Variants in WDSUB1 observed in about 807,000 individuals in gnomAD.
WDSUB1 encodes the protein WD repeat, SAM and U-box domain-containing protein 1.
WDSUB1 carries 49 observed loss-of-function variants against 53.9 expected under a neutral mutation model. That is an observed-to-expected ratio of 0.91 (90% CI 0.72 to 1.15). WDSUB1 has a LOEUF of 1.15. Among genes scored for constraint, WDSUB1 ranks in the 50% most tolerant of loss-of-function variants. The probability of loss-of-function intolerance (pLI) is 0.00; values close to 1 mark genes in which losing one functional copy is unlikely to be tolerated. For synonymous variants in WDSUB1, 194 were observed against 200.6 expected (o/e 0.97, Z 0.28); for missense variants, 514 against 562.0 (o/e 0.91, Z 0.86).
chr2:159,284,261 T>G (rs1016137258), intron 1 of WDSUB1, among the ~76,000 whole-genome samples: 13 of 152,226 alleles, frequency 8.5e-5, no homozygotes, highest in Admixed American at 7.2e-4. Flanking sequence ...ACCTTCAAAC[T>G]GTCAAATAAC....
At chr2:159,263,785 G>A (rs1233969432) in intron 5 of WDSUB1, among the ~76,000 whole-genome samples, 1 of 152,084 alleles carries the variant, frequency 6.6e-6, no homozygotes, top group Non-Finnish European at 1.5e-5. Context: ...TCAGAAAAAT[G>A]GGGTAAAATA....
intron 9 of WDSUB1, among the ~76,000 whole-genome samples, chr2:159,252,036 A>T (rs1391113408): frequency 6.6e-6 from 1 of 152,204 alleles, no homozygotes; most frequent in Admixed American, 6.5e-5. Context: ...ACAAGCACAG[A>T]CCACCAAGCT....
At chr2:159,238,920 C>G (rs1354822431) in intron 10 of WDSUB1, among the ~76,000 whole-genome samples, 1 of 152,152 alleles carries the variant, frequency 6.6e-6, no homozygotes, top group Non-Finnish European at 1.5e-5. Context: ...CATGCTCCAC[C>G]TGCCATTATA....
chr2:159,241,594 AAAAATGACCAAGCC>A (rs1272398528), intron 10 of WDSUB1, among the ~76,000 whole-genome samples: 2 of 148,082 alleles, frequency 1.4e-5, no homozygotes, highest in African/African-American at 5.3e-5. Context: ...CTAAATTGGC[AAAAATGACCAAGCC>A]AAATTTTTTT....
chr2:159,248,527 C>G lies in WDSUB1; in HGVS notation c.1133-15G>C. On this transcript the variant is annotated splice_polypyrimidine_tract_variant and intron_variant, in intron 9 of 10. Transcript: ENST00000359774. ...TCCTAGAGATTCTGAAAAGAAATTA[C>G]TGTTAGGGCTGGATAACTACTAGTA... 2 of 1,482,876 alleles carry G rather than the reference C, an allele frequency of 1.3e-6. No individual in the cohort carries two copies. Among genetic ancestry groups the G allele is most frequent in the Non-Finnish European group, 1.8e-6 (2 of 1,122,282 alleles). The allele number at this position is 1,482,876 out of a possible 1,614,324, so 91.9% of individuals were successfully genotyped here. A position where few individuals can be genotyped will look rare whatever the true frequency, so the allele number is the denominator to read the frequency against.
At chr2:159,271,899 G>A in intron 4 of WDSUB1, 104 bp from the exon 5 acceptor site, 1 of 899,930 alleles carries the variant, frequency 1.1e-6, no homozygotes, top group Non-Finnish European at 1.7e-6. Context: ...ATCTTTGAGT[G>A]CCTAAAGGAC....
Position 159,246,866 on chromosome 2 carries a change from G to A in WDSUB1, c.1273+1506C>T, listed in dbSNP as rs151125953. Among the ~76,000 whole-genome samples, 929 of 152,284 alleles carry A rather than the reference G, an allele frequency of 6.1e-3. 14 individuals carry two copies. The highest frequency in any genetic ancestry group is 0.021 in the African/African-American group (891 of 41,568). On this transcript the variant is annotated intron_variant, in intron 10 of 10. Coordinates refer to ENST00000359774, the MANE Select transcript of WDSUB1 (RefSeq NM_001128212.3). ...CAATCTGGAAAGCTGAGAAAAAGCA[G>A]CCAGACTCAAAAGAGTTGCAGCCAG...
At position 159,257,764 on chromosome 2, in the gene WDSUB1, A is replaced by G. The variant is rs774542067; in HGVS notation, c.946T>C (p.Cys316Arg). The G allele has an allele frequency of 6.2e-7, 1 of 1,613,842 alleles. No individual in the cohort carries two copies. Among genetic ancestry groups the G allele is most frequent in the Non-Finnish European group, 8.5e-7 (1 of 1,179,710 alleles). ...NIWQFDLETLCQARRTEHQLK... is the reference protein window; with the variant it reads ...NIWQFDLETLRQARRTEHQLK... ...AAATGATGTCCTTACTAACCTTGGC[A>G]AAGTGTTTCCAGGTCAAATTGCCAG... The change falls in exon 8 of 11, where the codon TGC (cysteine) becomes CGC (arginine). Residue 316 changes from cysteine to arginine, a missense_variant. Transcript: ENST00000359774.
rs752139239 is a variant in WDSUB1 at position 159,236,106 on chromosome 2, G to T, written c.1358C>A (p.Pro453His). 1 of 1,613,992 alleles carries T rather than the reference G, an allele frequency of 6.2e-7. No individual in the cohort carries two copies. ...CCTATTTGGTGTAAGTACCGCTGAA[G>T]GAAGAACAAGATTTGTCATGGGACT... ...RTSPMTNLVLPSAVLTPNRTL... is the reference protein window; with the variant it reads ...RTSPMTNLVLHSAVLTPNRTL... Residue 453 changes from proline to histidine, a missense_variant, in exon 11 of 11, where the codon CCT becomes CAT. Coordinates refer to ENST00000359774, the MANE Select transcript of WDSUB1 (RefSeq NM_001128212.3).
At chr2:159,243,018 C>T (rs2060701557) in intron 10 of WDSUB1, among the ~76,000 whole-genome samples, 1 of 140,268 alleles carries the variant, frequency 7.1e-6, no homozygotes, top group Admixed American at 6.8e-5. Flanking sequence ...GAATTATATG[C>T]TGGCAGGAAT....
intron 4 of WDSUB1, among the ~76,000 whole-genome samples, chr2:159,272,784 A>C (rs1418307005): frequency 6.6e-6 from 1 of 152,220 alleles, no homozygotes; most frequent in Non-Finnish European, 1.5e-5. Context: ...TTGTAATTCC[A>C]ATATTATCTT....
chr2:159,256,112 G>A (rs2061055616), intron 9 of WDSUB1, 84 bp downstream of exon 9: 2 of 1,323,316 alleles, frequency 1.5e-6, no homozygotes, highest in East Asian at 2.4e-5. Context: ...ACATTAAGAA[G>A]AAACCATTAA....
At chr2:159,265,098 A>C (rs1185951132) in intron 5 of WDSUB1, among the ~76,000 whole-genome samples, 52 of 146,204 alleles carry the variant, frequency 3.6e-4, no homozygotes, top group African/African-American at 1.4e-3. Context: ...AAAAAAAAAA[A>C]ATAAAACAAC....
chr2:159,238,210 A>G (rs1471297647), intron 10 of WDSUB1, among the ~76,000 whole-genome samples: 2 of 152,188 alleles, frequency 1.3e-5, no homozygotes, highest in Non-Finnish European at 2.9e-5. Context: ...TTTCATATAT[A>G]TGGAATATCA....
At chr2:159,248,170 T>G (rs2060861017) in intron 10 of WDSUB1, among the ~76,000 whole-genome samples, 1 of 151,926 alleles carries the variant, frequency 6.6e-6, no homozygotes, top group Non-Finnish European at 1.5e-5. Context: ...TAAAACTTAA[T>G]CCTTTTGTGT....
chr2:159,271,565 G>T, intron 5 of WDSUB1, 137 bp downstream of exon 5: 1 of 722,582 alleles, frequency 1.4e-6, no homozygotes, highest in Non-Finnish European at 2.3e-6. Flanking sequence ...GGGCTTCTGG[G>T]GCAGAACCAG....
intron 4 of WDSUB1, among the ~76,000 whole-genome samples, chr2:159,272,724 TAAA>T (rs1186736114): frequency 6.6e-6 from 1 of 152,124 alleles, no homozygotes; most frequent in African/African-American, 2.4e-5. Context: ...TCTCATCCTG[TAAA>T]AAAATACTTT....
At chr2:159,267,997 T>C (rs2061377945) in intron 5 of WDSUB1, among the ~76,000 whole-genome samples, 1 of 152,234 alleles carries the variant, frequency 6.6e-6, no homozygotes, top group African/African-American at 2.4e-5. Context: ...AACTTCCATT[T>C]ATCCAGAATG....
intron 1 of WDSUB1, among the ~76,000 whole-genome samples, chr2:159,283,520 T>C (rs2061722335): frequency 6.6e-6 from 1 of 151,960 alleles, no homozygotes; most frequent in Admixed American, 6.6e-5. Flanking sequence ...AGTGAGCTGA[T>C]ATCGTGCCAC....
Sources: gnomAD v4.1 joint callset for allele counts (sites outside exome capture counted in the v4.1 genomes callset) on GRCh38, gnomAD v4.1.1 for gene constraint, MANE v1.5 for transcripts, NCBI Gene and HGNC (gene_info 2026-07-23, HGNC 2026-07-21) for gene names.